Variants in PRRC2C observed in about 807,000 individuals in gnomAD.
PRRC2C encodes proline rich coiled-coil 2C, also known as protein PRRC2C.
A neutral mutation model predicts 317.2 loss-of-function variants in PRRC2C; 72 were observed. The ratio of observed to expected loss-of-function variants is 0.23; its 90% CI spans 0.19 to 0.28. PRRC2C has a LOEUF of 0.28. Among genes scored for constraint, PRRC2C ranks in the 10% least tolerant of loss-of-function variants. PRRC2C has a pLI of 1.00. For synonymous variants in PRRC2C, 1,296 were observed against 1,205.9 expected, an observed-to-expected ratio of 1.07 and a Z score of -1.55; for missense variants, 3,074 against 3,459.7, an observed-to-expected ratio of 0.89 and a Z score of 2.80.
intron 12 of PRRC2C, among the ~76,000 whole-genome samples, chr1:171,534,976 A>G (rs1447843118): frequency 6.6e-6 from 1 of 152,220 alleles, no homozygotes; most frequent in Non-Finnish European, 1.5e-5. Context: ...AGTTTTCCTT[A>G]CAGATAATAG....
chr1:171,532,699 A>T lies in PRRC2C; in HGVS notation c.1611A>T (p.Arg537Ser), dbSNP rs1405067890. 1 of 1,551,210 alleles carries T rather than the reference A, an allele frequency of 6.4e-7. No individual in the cohort carries two copies. The highest frequency in any genetic ancestry group is 2.0e-5 in the Admixed American group (1 of 50,906). Residue 537 changes from arginine to serine, a missense_variant, in exon 12 of 35, where the codon AGA becomes AGT. Arg to Ser is a moderately radical substitution (Grantham distance 110). Around this residue, in one of 11 missense-constraint regions of PRRC2C, gnomAD observed 1,320 missense variants for 1,395.7 expected, o/e 0.95. Coordinates refer to ENST00000647382, the MANE Select transcript of PRRC2C (RefSeq NM_001387844.1). ...QEREKEREKD[R>S]ERQQEKEKEL... is the part of the protein sequence containing the mutation. ...GAGAGAAGGAGAGGGAAAAAGACAG[A>T]GAGAGACAGCAGGAAAAGGAGAAAG...
chr1:171,511,724 A>C (rs1283638769), intron 1 of PRRC2C: 1 of 156,970 alleles, frequency 6.4e-6, no homozygotes. Context: ...TAAATTGGAT[A>C]ATATATCTTT....
At chr1:171,515,133 T>G (rs1203904601) in intron 4 of PRRC2C, among the ~76,000 whole-genome samples, 1 of 152,238 alleles carries the variant, frequency 6.6e-6, no homozygotes, top group Non-Finnish European at 1.5e-5. Flanking sequence ...TTTTCCCACT[T>G]TCGAAACAGG....
intron 11 of PRRC2C, among the ~76,000 whole-genome samples, chr1:171,528,570 C>T (rs938872544): frequency 2.0e-5 from 3 of 152,030 alleles, no homozygotes; most frequent in South Asian, 2.1e-4. Context: ...GGATTACAGG[C>T]GTGAGCCACC....
chr1:171,549,233 C>T (rs1379418180), intron 17 of PRRC2C, among the ~76,000 whole-genome samples: 1 of 152,026 alleles, frequency 6.6e-6, no homozygotes, highest in Admixed American at 6.6e-5. Context: ...GACAAGGTCT[C>T]CCCATGTTGC....
At chr1:171,496,043 A>G (rs922379370) in intron 1 of PRRC2C, among the ~76,000 whole-genome samples, 1 of 151,942 alleles carries the variant, frequency 6.6e-6, no homozygotes, top group Non-Finnish European at 1.5e-5. Flanking sequence ...CATGGCCCGT[A>G]CAACCTCATC....
intron 18 of PRRC2C, among the ~76,000 whole-genome samples, chr1:171,553,583 C>T (rs1680742505): frequency 6.6e-6 from 1 of 152,072 alleles, no homozygotes; most frequent in Admixed American, 6.5e-5. Context: ...CAGATCTTTC[C>T]TGCTTTCTCT....
intron 30 of PRRC2C, among the ~76,000 whole-genome samples, chr1:171,586,172 C>T (rs1013477119): frequency 4.9e-5 from 7 of 143,620 alleles, no homozygotes; most frequent in East Asian, 2.2e-4. Flanking sequence ...AAGTGATTCT[C>T]GTGCCTCAGC....
chr1:171,488,974 T>C (rs1192285332), intron 1 of PRRC2C, among the ~76,000 whole-genome samples: 1 of 152,234 alleles, frequency 6.6e-6, no homozygotes, highest in Non-Finnish European at 1.5e-5. Flanking sequence ...GTATGTAGCA[T>C]ACTACATAGC....
At chr1:171,591,554 A>G (rs747479352) in intron 34 of PRRC2C, 33 bp from the exon 35 acceptor site, 3 of 1,600,040 alleles carry the variant, frequency 1.9e-6, no homozygotes, top group Non-Finnish European at 2.6e-6. Context: ...GTAATGCTGC[A>G]GTATTTTCAG....
At chr1:171,548,633 AGGTAATTTAATT>A (rs1679614183) in intron 17 of PRRC2C, among the ~76,000 whole-genome samples, 1 of 152,170 alleles carries the variant, frequency 6.6e-6, no homozygotes, top group Non-Finnish European at 1.5e-5. Context: ...ACATCACCTG[AGGTAATTTAATT>A]TTTCTTGGAA....
At chr1:171,560,400 T>TTTGAGACTG (rs57556328) in intron 19 of PRRC2C, among the ~76,000 whole-genome samples, 3 of 151,714 alleles carry the variant, frequency 2.0e-5, no homozygotes, top group Non-Finnish European at 4.4e-5. Context: ...AACAATGGGA[T>TTTGAGACTG]TTGACTCCAG....
intron 28 of PRRC2C, among the ~76,000 whole-genome samples, chr1:171,581,121 G>A (rs1648486321): frequency 6.6e-6 from 1 of 152,110 alleles, no homozygotes; most frequent in South Asian, 2.1e-4. Flanking sequence ...TACTTATATA[G>A]CTGTTGTAGG....
rs920527162 is a variant in PRRC2C at position 171,537,249 on chromosome 1, A to C, written c.2294-14A>C. 6.4e-7 allele frequency: 1 copy of C among 1,558,886 alleles called. No individual in the cohort carries two copies. The highest frequency in any genetic ancestry group is 1.4e-5 in the African/African-American group (1 of 73,722). ...AAAATCCTCATTTCACCTTTTTCTG[A>C]ACTTTTGTTACAGGAATGATTCCTC... On this transcript the variant is annotated splice_polypyrimidine_tract_variant and intron_variant, in intron 14 of 34. Transcript: ENST00000647382.
rs74122852 is a variant in PRRC2C, at chr1:171,491,830, A to C, written c.-58+6095A>C. Among the ~76,000 whole-genome samples the C allele has an allele frequency of 3.1e-3, 474 of 152,342 alleles. 1 individual carries two copies. Among genetic ancestry groups the C allele is most frequent in the African/African-American group, 0.011 (449 of 41,594 alleles). ...TACTTAACACAATTTAATCTTACCCAAAAACTTTGTAATTTTGGGGTTTAA... is the reference window on the plus strand; with the variant it reads ...TACTTAACACAATTTAATCTTACCCCAAAACTTTGTAATTTTGGGGTTTAA... On this transcript the variant is annotated intron_variant, in intron 1 of 34. Transcript: ENST00000647382.
At chr1:171,500,989 C>T (rs1339569780) in intron 1 of PRRC2C, among the ~76,000 whole-genome samples, 1 of 152,224 alleles carries the variant, frequency 6.6e-6, no homozygotes, top group Non-Finnish European at 1.5e-5. Context: ...GCCTCGACTT[C>T]CTGTGCTCCA....
At chr1:171,520,316 A>C (rs1166951836) in intron 6 of PRRC2C, among the ~76,000 whole-genome samples, 2 of 152,196 alleles carry the variant, frequency 1.3e-5, no homozygotes, top group African/African-American at 4.8e-5. Flanking sequence ...GCCTTGAAAA[A>C]TGATTTATAC....
At chr1:171,514,251 A>AGTGTGT (rs758313835) in intron 3 of PRRC2C, among the ~76,000 whole-genome samples, 3 of 131,748 alleles carry the variant, frequency 2.3e-5, no homozygotes, top group Non-Finnish European at 3.1e-5. Flanking sequence ...TTTAATTAAA[A>AGTGTGT]GTGTGTGTGT....
At chr1:171,556,189 C>T (rs1681357496) in intron 18 of PRRC2C, among the ~76,000 whole-genome samples, 1 of 152,234 alleles carries the variant, frequency 6.6e-6, no homozygotes, top group Non-Finnish European at 1.5e-5. Context: ...GACTGCTGCG[C>T]TAGCAGTGAG....
Sources: gnomAD v4.1 joint callset for allele counts (sites outside exome capture counted in the v4.1 genomes callset) on GRCh38, gnomAD v4.1.1 for gene constraint, gnomAD v4.1.1 regional missense constraint, MANE v1.5 for transcripts, NCBI Gene and HGNC (gene_info 2026-07-23, HGNC 2026-07-21) for gene names.